Variants in SNX25 observed in about 807,000 individuals in gnomAD.
SNX25 encodes the protein sorting nexin-25.
A neutral mutation model predicts 113.7 loss-of-function variants in SNX25; 62 were observed. The observed-to-expected ratio is 0.55, with a 90% CI of 0.44 to 0.67. SNX25 has a LOEUF of 0.67. Among genes scored for constraint, SNX25 ranks in the 30% least tolerant of loss-of-function variants. The pLI, the probability that SNX25 is intolerant of heterozygous loss-of-function variation, is 0.00. For missense variants in SNX25, 1,014 were observed against 1,161.0 expected, an observed-to-expected ratio of 0.87 and a Z score of 1.84; for synonymous variants, 421 against 436.2, an observed-to-expected ratio of 0.97 and a Z score of 0.43.
chr4:185,375,770 T>C, the SNX25 span: 2 of 1,344,708 alleles, frequency 1.5e-6, no homozygotes, highest in East Asian at 4.9e-5. Context: ...ATTATGATCT[T>C]AAAGTAATCC....
At chr4:185,372,988 C>T (rs140807270), downstream of SNX25, 24 of 1,614,006 alleles carry the variant, frequency 1.5e-5, no homozygotes, top group African/African-American at 2.0e-4. Context: ...CGTATCCTGC[C>T]GGATGCCTTG....
At chr4:185,296,381 A>G (rs146736913) in intron 6 of SNX25, among the ~76,000 whole-genome samples, 26 of 152,274 alleles carry the variant, frequency 1.7e-4, no homozygotes, top group African/African-American at 6.0e-4. Context: ...TGAGGCTTCA[A>G]CACACTCCAG....
At chr4:185,249,309 T>A (rs1745310219) in intron 2 of SNX25, among the ~76,000 whole-genome samples, 1 of 152,198 alleles carries the variant, frequency 6.6e-6, no homozygotes, top group Admixed American at 6.5e-5. Flanking sequence ...ACATTTGCTG[T>A]TGTTTTGTTC....
intron 3 of SNX25, among the ~76,000 whole-genome samples, chr4:185,260,509 G>T (rs547627122): frequency 6.6e-6 from 1 of 152,286 alleles, no homozygotes; most frequent in Admixed American, 6.5e-5. Context: ...ATCGAAATCA[G>T]AGCTTTTTTT....
chr4:185,374,934 T>C (rs1450048363), downstream of SNX25, among the ~76,000 whole-genome samples: 2 of 152,104 alleles, frequency 1.3e-5, no homozygotes, highest in African/African-American at 4.8e-5. Flanking sequence ...TCATAGTTTG[T>C]ATCTAATATA....
chr4:185,237,147 A>G (rs1742760080), intron 1 of SNX25, among the ~76,000 whole-genome samples: 1 of 85,654 alleles, frequency 1.2e-5, no homozygotes, highest in Non-Finnish European at 2.7e-5. Context: ...GTGCTTGACT[A>G]AGAGGGAAAA....
At chr4:185,328,526 A>G (rs1170807053) in intron 9 of SNX25, among the ~76,000 whole-genome samples, 1 of 152,180 alleles carries the variant, frequency 6.6e-6, no homozygotes, top group Non-Finnish European at 1.5e-5. Context: ...GGAAAACATA[A>G]AGGCCTTTTG....
chr4:185,239,713 G>A (rs114046830), intron 1 of SNX25, among the ~76,000 whole-genome samples: 2,050 of 145,230 alleles, frequency 0.014, 49 homozygotes, highest in African/African-American at 0.05. Context: ...TTTTTGTTTC[G>A]GTTTTTTTTT....
At position 185,264,151 on chromosome 4, in the gene SNX25, C is replaced by T. The variant is rs111948466; in HGVS notation, c.732-287C>T. 6.6e-5 allele frequency among the ~76,000 whole-genome samples: 10 copies of T among 152,230 alleles called. 1 individual carries two copies. The highest frequency in any genetic ancestry group is 2.2e-4 in the African/African-American group (9 of 41,546). On this transcript the variant is annotated intron_variant, in intron 3 of 18. Transcript: ENST00000652585. ...AGACTTAAAAATTACTAAATAAATA[C>T]TCGTACCTTTTTAGATTGTTGCTGT...
At chr4:185,217,358 ACTTTT>A (rs1327913393) in intron 1 of SNX25, among the ~76,000 whole-genome samples, 4 of 152,150 alleles carry the variant, frequency 2.6e-5, no homozygotes, top group Non-Finnish European at 4.4e-5. Flanking sequence ...AGTGAGTGAG[ACTTTT>A]CTTTGATACA....
chr4:185,349,088 A>G (rs978957989), intron 13 of SNX25, among the ~76,000 whole-genome samples: 1 of 152,152 alleles, frequency 6.6e-6, no homozygotes, highest in East Asian at 1.9e-4. Flanking sequence ...GGGGGGTTCG[A>G]TCTTTTGGCT....
chr4:185,226,312 T>C (rs1740992086), intron 1 of SNX25, among the ~76,000 whole-genome samples: 1 of 152,254 alleles, frequency 6.6e-6, no homozygotes, highest in East Asian at 1.9e-4. Context: ...TTAGTCTCTC[T>C]GGTAAAAATC....
At chr4:185,375,615 C>T in the SNX25 span, 12 of 1,549,302 alleles carry the variant, frequency 7.7e-6, no homozygotes, top group Admixed American at 3.6e-5. Flanking sequence ...TAACTTACAG[C>T]GTCTAGAGTG....
intron 2 of SNX25, among the ~76,000 whole-genome samples, chr4:185,249,841 A>G (rs1283482154): frequency 2.0e-5 from 3 of 152,078 alleles, no homozygotes; most frequent in Non-Finnish European, 4.4e-5. Context: ...TCGTCTGTCA[A>G]TTATTATGAC....
At position 185,353,550 on chromosome 4, in the gene SNX25, C is replaced by T; in HGVS notation, c.2532C>T (p.Ala844=). The T allele has an allele frequency of 6.2e-7, 1 of 1,614,152 alleles. No homozygotes were observed. Among genetic ancestry groups the T allele is most frequent in the Non-Finnish European group, 8.5e-7 (1 of 1,180,020 alleles). ...ATGATGTGGATGGGAGGAAAGACGC[C>T]TTGGCTGAACCATGTTTCATGTTGA... ...YGDDVDGRKD[A]LAEPCFMLIG... Residue 844 remains alanine (A), a synonymous_variant, in exon 15 of 19, where the codon GCC becomes GCT. Transcript: ENST00000652585.
intron 7 of SNX25, among the ~76,000 whole-genome samples, chr4:185,315,578 G>A (rs1281137394): frequency 1.3e-5 from 2 of 152,262 alleles, no homozygotes; most frequent in Non-Finnish European, 1.5e-5. Flanking sequence ...ACAGGCATGA[G>A]CCACTGTGTC....
chr4:185,235,582 T>C (rs1318005735), intron 1 of SNX25, among the ~76,000 whole-genome samples: 1 of 152,220 alleles, frequency 6.6e-6, no homozygotes, highest in African/African-American at 2.4e-5. Flanking sequence ...CTTCGGTTTC[T>C]TCTCAGCCGA....
intron 5 of SNX25, among the ~76,000 whole-genome samples, chr4:185,283,633 A>G (rs1169848010): frequency 6.6e-6 from 1 of 152,212 alleles, no homozygotes; most frequent in Non-Finnish European, 1.5e-5. Flanking sequence ...TAGCAGAAAA[A>G]TGGTTAGAGC....
At chr4:185,205,359 C>A (rs1560881773), upstream of SNX25, among the ~76,000 whole-genome samples, 1 of 151,732 alleles carries the variant, frequency 6.6e-6, no homozygotes, top group African/African-American at 2.4e-5. Context: ...AAGGCTGAGA[C>A]AGGAGAATCG....
Sources: allele counts gnomAD v4.1 joint callset (sites outside exome capture counted in the v4.1 genomes callset), GRCh38; gene constraint gnomAD v4.1.1; transcripts MANE v1.5; gene names NCBI Gene and HGNC (gene_info 2026-07-23, HGNC 2026-07-21).